RGS22: variants seen among roughly 807,000 people sequenced by gnomAD.
The protein encoded by RGS22 is regulator of G-protein signaling 22.
RGS22 carries 148 observed loss-of-function variants against 172.9 expected under a neutral mutation model. The ratio of observed to expected loss-of-function variants is 0.86; its 90% CI spans 0.75 to 0.98. The LOEUF (loss-of-function observed/expected upper bound fraction) is 0.98. Ranked by LOEUF, RGS22 falls within the 50% of genes least tolerant of loss-of-function variation. The pLI, the probability that RGS22 is intolerant of heterozygous loss-of-function variation, is 0.00. For missense variants in RGS22, 1,347 were observed against 1,440.8 expected, an observed-to-expected ratio of 0.93 and a Z score of 1.05; for synonymous variants, 458 against 480.2, an observed-to-expected ratio of 0.95 and a Z score of 0.60.
At chr8:99,997,090 A>C (rs574537955) in intron 19 of RGS22, among the ~76,000 whole-genome samples, 1 of 152,296 alleles carries the variant, frequency 6.6e-6, no homozygotes, top group African/African-American at 2.4e-5. Flanking sequence ...TAGAGCCAGG[A>C]GGAAAGATCT....
chr8:100,040,935 TTAAC>T (rs1820032842), intron 12 of RGS22, among the ~76,000 whole-genome samples: 1 of 152,162 alleles, frequency 6.6e-6, no homozygotes, highest in African/African-American at 2.4e-5. Context: ...TTTACTATGT[TTAAC>T]TATCAGCATT....
chr8:100,013,154 T>C (rs1180575117), intron 14 of RGS22, among the ~76,000 whole-genome samples: 1 of 151,942 alleles, frequency 6.6e-6, no homozygotes, highest in African/African-American at 2.4e-5. Flanking sequence ...CACGCCCAGC[T>C]AATTTTTTGT....
Position 100,065,241 on chromosome 8 carries a change from TAC to T in RGS22, c.724+924_724+925del, listed in dbSNP as rs139133513. On this transcript the variant is annotated intron_variant, in intron 7 of 27. Coordinates refer to ENST00000360863, the MANE Select transcript of RGS22 (RefSeq NM_015668.5). ...TAAATCTGTGAGAGGATGCTGGATG[TAC>T]ACTCAATCCCATGGAACTGAAGGGA... 4.3e-3 allele frequency among the ~76,000 whole-genome samples: 649 copies of T among 152,306 alleles called. 17 individuals are homozygous for T. In the East Asian group the frequency reaches 0.062, roughly 15 times the overall value.
chr8:99,978,200 TC>T (rs1479054321), intron 22 of RGS22, 125 bp from the exon 23 acceptor site: 10 of 508,320 alleles, frequency 2.0e-5, no homozygotes, highest in Non-Finnish European at 3.3e-5. Context: ...ACTTATTGTC[TC>T]CAGACATCTT....
At chr8:100,079,635 A>G (rs1364280130) in intron 4 of RGS22, among the ~76,000 whole-genome samples, 2 of 152,182 alleles carry the variant, frequency 1.3e-5, no homozygotes, top group Admixed American at 6.5e-5. Flanking sequence ...TTGTACACAG[A>G]GTCAGTAAGC....
At chr8:100,037,400 C>A (rs369916678) in intron 14 of RGS22, among the ~76,000 whole-genome samples, 1 of 152,150 alleles carries the variant, frequency 6.6e-6, no homozygotes, top group Non-Finnish European at 1.5e-5. Context: ...TTTTATTTAT[C>A]TTTCTTCATT....
chr8:100,084,505 TA>T (rs952065201), intron 3 of RGS22, among the ~76,000 whole-genome samples: 2 of 152,176 alleles, frequency 1.3e-5, no homozygotes, highest in Admixed American at 6.5e-5. Context: ...CTATTTATTA[TA>T]AAAAAAGAAA....
At position 100,105,759 on chromosome 8, in the gene RGS22, G is replaced by A. The variant is rs76441464; in HGVS notation, c.25+138C>T. 566 of 699,828 alleles carry A rather than the reference G, an allele frequency of 8.1e-4. 9 individuals carry two copies. In the East Asian group the frequency reaches 0.017, roughly 21 times the overall value. The allele number at this position is 699,828 out of a possible 1,614,324, so 43.4% of individuals were successfully genotyped here. ...AAATTCGTCATAAAATCCAACAGGA[G>A]GGCAGTGAAGCCCTTTTTTCTCATG... On this transcript the variant is annotated intron_variant, in intron 1 of 27. Transcript: ENST00000360863.
chr8:99,974,904 T>G (rs1811766347), intron 23 of RGS22, among the ~76,000 whole-genome samples: 1 of 151,966 alleles, frequency 6.6e-6, no homozygotes, highest in African/African-American at 2.4e-5. Context: ...TCCCAGCACT[T>G]TGGGAGGCCA....
chr8:100,102,144 A>G (rs1176214106), intron 2 of RGS22, among the ~76,000 whole-genome samples: 2 of 152,232 alleles, frequency 1.3e-5, no homozygotes, highest in Admixed American at 1.3e-4. Context: ...TGTAAGTATT[A>G]AAGTTAGAAT....
intron 14 of RGS22, among the ~76,000 whole-genome samples, chr8:100,018,745 A>G (rs899132567): frequency 3.3e-5 from 5 of 152,204 alleles, no homozygotes; most frequent in African/African-American, 1.2e-4. Context: ...CAACATTATG[A>G]TATTTTTCAT....
chr8:100,066,438 T>C (rs868555295), intron 6 of RGS22, 142 bp from the exon 7 acceptor site: 21 of 664,682 alleles, frequency 3.2e-5, no homozygotes, highest in Middle Eastern at 4.4e-4. Context: ...GAAAATAAAA[T>C]TCTACTGAAA....
At position 100,063,544 on chromosome 8, in the gene RGS22, G is replaced by A; in HGVS notation, c.1224C>T (p.Asp408=). Residue 408 remains aspartate (D), a synonymous_variant, in exon 8 of 28, where the codon GAC becomes GAT. Transcript: ENST00000360863. ...ADWCISHRTY[D]IGNRKEFERF... The stretch of plus-strand genomic sequence containing the variant: ...TTTCAAACTCCTTTCTATTGCCAAT[G>A]TCATAAGTCCTATGAGAAATACACC... 1 of 1,613,914 alleles carries A rather than the reference G, an allele frequency of 6.2e-7. No individual in the cohort carries two copies. Among genetic ancestry groups the A allele is most frequent in the Middle Eastern group, 1.6e-4 (1 of 6,062 alleles).
chr8:100,044,082 T>C (rs189391635), intron 11 of RGS22, among the ~76,000 whole-genome samples: 3 of 152,286 alleles, frequency 2.0e-5, no homozygotes, highest in East Asian at 3.9e-4. Flanking sequence ...AATCAATAAT[T>C]TGATATCTCC....
chr8:99,985,915 TA>T (rs912588116), intron 21 of RGS22, among the ~76,000 whole-genome samples: 1 of 152,128 alleles, frequency 6.6e-6, no homozygotes, highest in African/African-American at 2.4e-5. Context: ...CCACCCATGA[TA>T]AAAAAATTAT....
At chr8:100,075,971 C>T (rs1295206995) in intron 4 of RGS22, among the ~76,000 whole-genome samples, 2 of 152,024 alleles carry the variant, frequency 1.3e-5, no homozygotes, top group African/African-American at 2.4e-5. Flanking sequence ...TTCCATTTCC[C>T]TTATGACTAA....
chr8:100,085,666 T>G (rs1320768215), intron 3 of RGS22, among the ~76,000 whole-genome samples: 1 of 152,170 alleles, frequency 6.6e-6, no homozygotes, highest in African/African-American at 2.4e-5. Context: ...TGTGTATGTT[T>G]AACACTAGAA....
chr8:100,093,513 C>CA lies in RGS22; in HGVS notation c.55-5dup, dbSNP rs748929025. 40,110 of 1,239,486 alleles carry CA rather than the reference C, an allele frequency of 0.032. 46 individuals are homozygous for CA. Among genetic ancestry groups the CA allele is most frequent in the Middle Eastern group, 0.039 (189 of 4,906 alleles). The allele number at this position is 1,239,486 out of a possible 1,614,324, so 76.8% of individuals were successfully genotyped here. ...CATCTGTTGCCAGAGAATCTTCCTGCAAAAAAAAAACATAAAAACACAGTA... is the reference window on the plus strand; with the variant it reads ...CATCTGTTGCCAGAGAATCTTCCTGCAAAAAAAAAAACATAAAAACACAGTA... On this transcript the variant is annotated splice_polypyrimidine_tract_variant and splice_region_variant and intron_variant, in intron 2 of 27. Transcript: ENST00000360863.
chr8:100,090,150 G>A (rs1812464932), intron 3 of RGS22, among the ~76,000 whole-genome samples: 1 of 152,138 alleles, frequency 6.6e-6, no homozygotes, highest in Non-Finnish European at 1.5e-5. Flanking sequence ...CCTGTGCCAG[G>A]CGCTTAACAT....
Sources: allele counts gnomAD v4.1 joint callset (sites outside exome capture counted in the v4.1 genomes callset), GRCh38; gene constraint gnomAD v4.1.1; transcripts MANE v1.5; gene names NCBI Gene and HGNC (gene_info 2026-07-23, HGNC 2026-07-21).